DIP2A: variants seen among roughly 807,000 people sequenced by gnomAD.
The protein encoded by DIP2A is disco-interacting protein 2 homolog A.
A neutral mutation model predicts 177.4 loss-of-function variants in DIP2A; 85 were observed. The ratio of observed to expected loss-of-function variants is 0.48; its 90% CI spans 0.40 to 0.57. DIP2A has a LOEUF of 0.57. Ranked by LOEUF, DIP2A falls within the 20% of genes least tolerant of loss-of-function variation. DIP2A has a pLI of 0.00. For missense variants in DIP2A, 1,791 were observed against 2,100.2 expected, an observed-to-expected ratio of 0.85 and a Z score of 2.88; for synonymous variants, 886 against 881.8, an observed-to-expected ratio of 1.00 and a Z score of -0.08.
At chr21:46,471,269 G>A (rs1486278480) in intron 1 of DIP2A, among the ~76,000 whole-genome samples, 4 of 152,128 alleles carry the variant, frequency 2.6e-5, no homozygotes, top group African/African-American at 2.4e-5. Context: ...GGTTTCAAGC[G>A]ATCTTCCTGC....
rs936308727 is a variant in DIP2A at position 46,498,445 on chromosome 21, G to C, written c.404-137G>C. On this transcript the variant is annotated intron_variant, in intron 4 of 37. Coordinates refer to ENST00000417564, the MANE Select transcript of DIP2A (RefSeq NM_015151.4). The surrounding 1 kb of genome is among the most constrained non-coding windows in gnomAD (Gnocchi z 4.3). ...TGAGGGTGACCTTTGAGCTGACTGCGTGGCTTTGGGCAGAGCTGTGCCAGG... is the reference window on the plus strand; with the variant it reads ...TGAGGGTGACCTTTGAGCTGACTGCCTGGCTTTGGGCAGAGCTGTGCCAGG... The C allele has an allele frequency of 4.7e-6, 5 of 1,054,412 alleles. No individual in the cohort carries two copies. Among genetic ancestry groups the C allele is most frequent in the Non-Finnish European group, 6.9e-6 (5 of 726,426 alleles). The allele number at this position is 1,054,412 out of a possible 1,614,324, so 65.3% of individuals were successfully genotyped here.
intron 2 of DIP2A, among the ~76,000 whole-genome samples, chr21:46,489,943 G>C (rs117317313): frequency 0.047 from 7,220 of 152,248 alleles, 225 homozygotes; most frequent in Non-Finnish European, 0.064. Flanking sequence ...TCCTGGTGAG[G>C]GAGTGTGGAG....
chr21:46,498,202 C>T lies in DIP2A; in HGVS notation c.404-380C>T, dbSNP rs2057459077. On this transcript the variant is annotated intron_variant, in intron 4 of 37. Transcript: ENST00000417564. The surrounding 1 kb of genome is among the most constrained non-coding windows in gnomAD (Gnocchi z 4.3). ...CAGGCTCTCCCCTGGGTGATGCTGA[C>T]TGATGTGTGGATATGGTGTCCGACT... Among the ~76,000 whole-genome samples, 1 of 152,164 alleles carries T rather than the reference C, an allele frequency of 6.6e-6. No individual in the cohort carries two copies. The highest frequency in any genetic ancestry group is 1.5e-5 in the Non-Finnish European group (1 of 68,026).
intron 2 of DIP2A, among the ~76,000 whole-genome samples, chr21:46,486,266 G>A (rs1018520961): frequency 4.6e-5 from 7 of 152,128 alleles, no homozygotes; most frequent in African/African-American, 9.7e-5. Context: ...GCACAGTGGT[G>A]TGATCATAGC....
chr21:46,554,191 C>T lies in DIP2A; in HGVS notation c.3053C>T (p.Thr1018Ile). The part of the protein sequence containing the change: ...NAKGTVTSTA[T>I]CVQLHKRAER... ...TAGGGCACCGTCACAAGCACTGCAA[C>T]CTGTGTCCAGCTGCACAAAAGGGCT... Residue 1018 changes from threonine (T) to isoleucine (I), a missense_variant, in exon 26 of 38, where the codon ACC (threonine) becomes ATC (isoleucine). Coordinates refer to ENST00000417564, the MANE Select transcript of DIP2A (RefSeq NM_015151.4). 6.2e-7 allele frequency: 1 copy of T among 1,613,774 alleles called. No homozygotes were observed. Among genetic ancestry groups the T allele is most frequent in the East Asian group, 2.2e-5 (1 of 44,870 alleles).
downstream of DIP2A, among the ~76,000 whole-genome samples, chr21:46,573,155 G>A (rs1165828016): frequency 2.0e-5 from 3 of 151,896 alleles, no homozygotes; most frequent in Non-Finnish European, 4.4e-5. Context: ...AAACACAGAA[G>A]GGCGCAATAC....
At chr21:46,495,747 A>G (rs2057322436) in intron 3 of DIP2A, among the ~76,000 whole-genome samples, 1 of 152,120 alleles carries the variant, frequency 6.6e-6, no homozygotes, top group South Asian at 2.1e-4. Flanking sequence ...AGCTGGGACC[A>G]CAGGCGCATG....
At chr21:46,575,700 G>A in the DIP2A span, among the ~76,000 whole-genome samples, 1 of 152,102 alleles carries the variant, frequency 6.6e-6, no homozygotes, top group Non-Finnish European at 1.5e-5. Flanking sequence ...GGAGATGAAA[G>A]ACTTATAAAA....
chr21:46,550,520 C>T (rs560645410), intron 22 of DIP2A, 23 bp from the exon 23 acceptor site: 1 of 1,603,148 alleles, frequency 6.2e-7, no homozygotes, highest in East Asian at 2.2e-5. Context: ...GGGCCTGTGC[C>T]AAACAGGGTC....
chr21:46,504,234 A>C, intron 5 of DIP2A, 127 bp from the exon 6 acceptor site: 1 of 1,326,162 alleles, frequency 7.5e-7, no homozygotes, highest in Non-Finnish European at 1.0e-6. Flanking sequence ...CAAATTAATG[A>C]AAATACCACA....
intron 2 of DIP2A, among the ~76,000 whole-genome samples, chr21:46,485,123 A>G (rs1245045114): frequency 6.6e-6 from 1 of 152,234 alleles, no homozygotes; most frequent in African/African-American, 2.4e-5. Context: ...TTTTATGATT[A>G]TGAACAACCT....
chr21:46,542,044 G>C, intron 18 of DIP2A, 149 bp downstream of exon 18: 1 of 873,526 alleles, frequency 1.1e-6, no homozygotes, highest in Non-Finnish European at 1.8e-6. Context: ...CGCCTCCCAG[G>C]TTCAAGCGAT....
In DIP2A at chr21:46,545,930, C is replaced by G; in HGVS notation, c.2363C>G (p.Thr788Ser). 1 of 1,614,026 alleles carries G rather than the reference C, an allele frequency of 6.2e-7. No homozygotes were observed. The highest frequency in any genetic ancestry group is 8.5e-7 in the Non-Finnish European group (1 of 1,179,898). Residue 788 changes from threonine to serine, a missense_variant, in exon 20 of 38, where the codon ACC becomes AGC. Transcript: ENST00000417564. ...GCACCCATCTTTGACAGGCCATTCA[C>G]CAGGACAGGCCTGCTGGGCTTCATC... ...GGAPIFDRPF[T>S]RTGLLGFIGP...
chr21:46,491,795 C>G (rs1288183536), intron 3 of DIP2A, among the ~76,000 whole-genome samples: 1 of 152,168 alleles, frequency 6.6e-6, no homozygotes, highest in Admixed American at 6.5e-5. Flanking sequence ...AACCCTGTTC[C>G]CTGCTCATGG....
rs768309394 is a variant in DIP2A, at chr21:46,498,526, C to T, written c.404-56C>T. 202 of 1,552,420 alleles carry T rather than the reference C, an allele frequency of 1.3e-4. 1 individual carries two copies. The highest frequency in any genetic ancestry group is 1.7e-4 in the Middle Eastern group (1 of 5,834). On this transcript the variant is annotated intron_variant, in intron 4 of 37. Transcript: ENST00000417564. The surrounding 1 kb of genome is among the most constrained non-coding windows in gnomAD (Gnocchi z 4.3). ...GAGGCTCCAGTGTGAGTGGGAACTC[C>T]GTCCTCCTCTTGACTCATCCCGATA...
chr21:46,541,723 G>A (rs768448085), intron 17 of DIP2A, 33 bp from the exon 18 acceptor site: 12 of 1,613,056 alleles, frequency 7.4e-6, no homozygotes, highest in African/African-American at 1.3e-5. Flanking sequence ...CATCCCCCTC[G>A]TCAGTTAAAC....
In DIP2A at chr21:46,568,474, C is replaced by G. The variant is rs892328973; in HGVS notation, c.*852C>G. The G allele has an allele frequency of 3.3e-5, 5 of 152,112 alleles. No individual in the cohort carries two copies. The highest frequency in any genetic ancestry group is 4.8e-5 in the African/African-American group (2 of 41,416). 9.4% of individuals were successfully genotyped at this position (152,112 alleles called of 1,614,324 possible). Reference sequence around the variant, plus strand: ...GGCGGAGCTTGCAGTGAGCCGAGATCACGCTACTGCACTCCAGCCTGGGTG... The same window carrying G: ...GGCGGAGCTTGCAGTGAGCCGAGATGACGCTACTGCACTCCAGCCTGGGTG... On this transcript the variant is annotated 3_prime_UTR_variant, in exon 38 of 38. Coordinates refer to ENST00000417564, the MANE Select transcript of DIP2A (RefSeq NM_015151.4).
the DIP2A span, among the ~76,000 whole-genome samples, chr21:46,581,061 C>T: frequency 6.6e-6 from 1 of 152,188 alleles, no homozygotes; most frequent in African/African-American, 2.4e-5. Context: ...GCCATTCTCC[C>T]CATCTCTTCC....
chr21:46,546,677 C>T (rs1052821567), intron 20 of DIP2A, among the ~76,000 whole-genome samples: 1 of 152,030 alleles, frequency 6.6e-6, no homozygotes, highest in Admixed American at 6.6e-5. Context: ...TCCCATGTTG[C>T]CTCCCTTCCT....
Sources: gnomAD v4.1 joint callset for allele counts (sites outside exome capture counted in the v4.1 genomes callset) on GRCh38, gnomAD v4.1.1 for gene constraint, Gnocchi (gnomAD v3.1) non-coding constraint, MANE v1.5 for transcripts, NCBI Gene and HGNC (gene_info 2026-07-23, HGNC 2026-07-21) for gene names.